XPC: variants seen among roughly 807,000 people sequenced by gnomAD.
The protein encoded by XPC is XPC complex subunit, DNA damage recognition and repair factor.
XPC carries 76 observed loss-of-function variants against 95.8 expected under a neutral mutation model. The observed-to-expected ratio is 0.79, with a 90% CI of 0.66 to 0.96. The LOEUF is 0.96. Ranked by LOEUF, XPC falls within the 40% of genes least tolerant of loss-of-function variation. The pLI, the probability that XPC is intolerant of heterozygous loss-of-function variation, is 0.00. For synonymous variants in XPC, 442 were observed against 442.1 expected, an observed-to-expected ratio of 1.00 and a Z score of 0.00; for missense variants, 1,146 against 1,179.8, an observed-to-expected ratio of 0.97 and a Z score of 0.42.
rs1377654645 is a variant in XPC, at chr3:14,145,599, C to T, written c.*342G>A. On this transcript the variant is annotated 3_prime_UTR_variant, in exon 16 of 16. Coordinates refer to ENST00000285021, the MANE Select transcript of XPC (RefSeq NM_004628.5). Reference sequence around the variant, plus strand: ...CAGAAATCTCCCGGTGGCTTCCATACAAAAACTGATGTTTCTAAAGATGGA... The same window carrying T: ...CAGAAATCTCCCGGTGGCTTCCATATAAAAACTGATGTTTCTAAAGATGGA... 4 of 699,496 alleles carry T rather than the reference C, an allele frequency of 5.7e-6. No homozygotes were observed. The highest frequency in any genetic ancestry group is 4.5e-5 in the South Asian group (3 of 66,720). 43.3% of individuals were successfully genotyped at this position (699,496 alleles called of 1,614,324 possible). A position where few individuals can be genotyped will look rare whatever the true frequency, so the allele number is the denominator to read the frequency against.
chr3:14,145,702 C>A lies in XPC; in HGVS notation c.*239G>T. 1 of 701,902 alleles carries A rather than the reference C, an allele frequency of 1.4e-6. No individual in the cohort carries two copies. The allele number at this position is 701,902 out of a possible 1,614,324, so 43.5% of individuals were successfully genotyped here. On this transcript the variant is annotated 3_prime_UTR_variant, in exon 16 of 16. Transcript: ENST00000285021. Reference sequence around the variant, plus strand: ...TCAAAGGGTGAGTGGGCTTTGGTAGCAAAAAGCTTTGAAGGCTTCACCCTG... The same window carrying A: ...TCAAAGGGTGAGTGGGCTTTGGTAGAAAAAAGCTTTGAAGGCTTCACCCTG...
chr3:14,161,637 A>C lies in XPC; in HGVS notation c.901-1807T>G, dbSNP rs186539467. ...CAACAGGCTTTCATGATTAAAAAAAAAAAAAAAAAATTCAGAACACTAGGA... is the reference window on the plus strand; with the variant it reads ...CAACAGGCTTTCATGATTAAAAAAACAAAAAAAAAATTCAGAACACTAGGA... On this transcript the variant is annotated intron_variant, in intron 7 of 15. Transcript: ENST00000285021. Among the ~76,000 whole-genome samples the C allele has an allele frequency of 4.8e-3, 721 of 151,272 alleles. 6 individuals carry two copies. The highest frequency in any genetic ancestry group is 0.016 in the African/African-American group (657 of 41,120).
intron 15 of XPC, 70 bp downstream of exon 15, chr3:14,147,220 G>A: frequency 6.7e-7 from 1 of 1,494,356 alleles, no homozygotes; most frequent in Admixed American, 2.0e-5. Context: ...ATCTGGGCCA[G>A]GCCTTTCTGA....
chr3:14,152,740 G>C, intron 10 of XPC: 1 of 271,194 alleles, frequency 3.7e-6, no homozygotes, highest in Non-Finnish European at 7.0e-6. Flanking sequence ...ATCAGGATGG[G>C]GTAAAGGCCG....
At chr3:14,156,152 T>A (rs573872402) in intron 10 of XPC, among the ~76,000 whole-genome samples, 183 bp downstream of exon 10, 1 of 149,436 alleles carries the variant, frequency 6.7e-6, no homozygotes, top group Non-Finnish European at 1.5e-5. Context: ...TTTTAATCCC[T>A]GTTTTAATTT....
rs566775346 is a variant in XPC, at chr3:14,157,215, G to A, written c.1873-720C>T. Among the ~76,000 whole-genome samples, 6 of 152,178 alleles carry A rather than the reference G, an allele frequency of 3.9e-5. No homozygotes were observed. In the East Asian group the frequency reaches 1.2e-3, roughly 29 times the overall value. ...TACTAAGTAAAATGAACTTAGTAATGCACCCATTTTACTTAGCATTACTAA... is the reference window on the plus strand; with the variant it reads ...TACTAAGTAAAATGAACTTAGTAATACACCCATTTTACTTAGCATTACTAA... On this transcript the variant is annotated intron_variant, in intron 9 of 15. Transcript: ENST00000285021.
At position 14,161,715 on chromosome 3, in the gene XPC, G is replaced by A. The variant is rs1696174921; in HGVS notation, c.901-1885C>T. Among the ~76,000 whole-genome samples the A allele has an allele frequency of 1.3e-5, 2 of 149,716 alleles. 1 individual carries two copies. Among genetic ancestry groups the A allele is most frequent in the African/African-American group, 4.9e-5 (2 of 40,500 alleles). The stretch of plus-strand genomic sequence containing the variant: ...ACCCAGATCTAGTATGATACTTAAT[G>A]GTGAAAGATTGAGAGCTTTCCCTCT... On this transcript the variant is annotated intron_variant, in intron 7 of 15. Coordinates refer to ENST00000285021, the MANE Select transcript of XPC (RefSeq NM_004628.5).
In XPC at chr3:14,159,813, G is replaced by C. The variant is rs1223224141; in HGVS notation, c.918C>G (p.Leu306=). The part of the protein sequence containing the change: ...EELVHIFLLI[L]RALQLLTRLV... ...GCCGGGTCAAGAGCTGCAGAGCCCG[G>C]AGAATCAGTAAGAATATCTATGATG... is the stretch of plus-strand genomic sequence containing the variant. Residue 306 remains leucine, a synonymous_variant, in exon 8 of 16, where the codon CTC becomes CTG. Coordinates refer to ENST00000285021, the MANE Select transcript of XPC (RefSeq NM_004628.5). 6.4e-7 allele frequency: 1 copy of C among 1,556,880 alleles called. No homozygotes were observed. The highest frequency in any genetic ancestry group is 8.7e-7 in the Non-Finnish European group (1 of 1,149,964).
rs1302705273 is a variant in XPC at position 14,146,117 on chromosome 3, A to G, written c.2647T>C (p.Ser883Pro). 3.1e-6 allele frequency: 5 copies of G among 1,611,634 alleles called. No homozygotes were observed. Among genetic ancestry groups the G allele is most frequent in the Non-Finnish European group, 4.2e-6 (5 of 1,179,306 alleles). ...APHTDAGGGL[S>P]SDEEEGTSSQ... is the part of the protein sequence containing the mutation. ...CTGGTCCCCTCCTCTTCATCAGAAG[A>G]GAGTCCACCTCCTGCATCTGTGTGG... Residue 883 changes from serine to proline, a missense_variant, in exon 16 of 16, where the codon TCT (serine) becomes CCT (proline). Ser to Pro is a moderately conservative substitution (Grantham distance 74). Coordinates refer to ENST00000285021, the MANE Select transcript of XPC (RefSeq NM_004628.5).
intron 1 of XPC, among the ~76,000 whole-genome samples, chr3:14,176,068 GC>G (rs1378055043): frequency 6.6e-6 from 1 of 152,150 alleles, no homozygotes; most frequent in Non-Finnish European, 1.5e-5. Context: ...AAAACTCACA[GC>G]CACCCCGCAA....
rs909418195 is a variant in XPC at position 14,158,669 on chromosome 3, G to A, written c.1214C>T (p.Pro405Leu). 6.2e-7 allele frequency: 1 copy of A among 1,613,858 alleles called. No individual in the cohort carries two copies. Among genetic ancestry groups the A allele is most frequent in the Non-Finnish European group, 8.5e-7 (1 of 1,179,892 alleles). Residue 405 changes from proline to leucine, a missense_variant, in exon 9 of 16, where the codon CCA becomes CTA. Transcript: ENST00000285021. This position sits in a 1 kb window ranked among gnomAD's most constrained non-coding sequence, Gnocchi z 5.2. The stretch of plus-strand genomic sequence containing the variant: ...GGTTGCCTTCTCCTGCTTGTCTCCT[G>A]GGCCCTCATCTTCCTCGCTGGAGGA... Reference protein sequence around the residue: ...KPSSSEEDEGPGDKQEKATQR... With the variant: ...KPSSSEEDEGLGDKQEKATQR...
chr3:14,158,943 A>G lies in XPC; in HGVS notation c.991-51T>C, dbSNP rs1696058342. 1.9e-6 allele frequency: 3 copies of G among 1,608,286 alleles called. No homozygotes were observed. The highest frequency in any genetic ancestry group is 2.5e-6 in the Non-Finnish European group (3 of 1,178,208). ...TTTTTTTCTCCCCCCTCTTTTGCTA[A>G]TGATATGATAGAAATCCTGTAATCT... On this transcript the variant is annotated intron_variant, in intron 8 of 15. Coordinates refer to ENST00000285021, the MANE Select transcript of XPC (RefSeq NM_004628.5). This position sits in a 1 kb window ranked among gnomAD's most constrained non-coding sequence, Gnocchi z 5.2.
chr3:14,173,168 C>A (rs1559384740), intron 1 of XPC, 106 bp from the exon 2 acceptor site: 10 of 1,107,774 alleles, frequency 9.0e-6, no homozygotes, highest in Non-Finnish European at 1.2e-5. Context: ...CTCCAAACCC[C>A]ATCTCCATCA....
rs56074737 is a variant in XPC, at chr3:14,145,863, T to C, written c.*78A>G. On this transcript the variant is annotated 3_prime_UTR_variant, in exon 16 of 16. Transcript: ENST00000285021. ...CAGAGAAGCCCCCACCACCAGGGGCTGGGCATGCCCAGGGCAGGTGTGGGG... is the reference window on the plus strand; with the variant it reads ...CAGAGAAGCCCCCACCACCAGGGGCCGGGCATGCCCAGGGCAGGTGTGGGG... The C allele has an allele frequency of 1.0e-5, 16 of 1,530,902 alleles. No homozygotes were observed. In the East Asian group the frequency reaches 3.2e-4, roughly 30 times the overall value. The allele number at this position is 1,530,902 out of a possible 1,614,324, so 94.8% of individuals were successfully genotyped here. A position where few individuals can be genotyped will look rare whatever the true frequency, so the allele number is the denominator to read the frequency against.
At chr3:14,148,324 T>A in intron 13 of XPC, 1 of 641,710 alleles carries the variant, frequency 1.6e-6, no homozygotes, top group Non-Finnish European at 2.6e-6. Flanking sequence ...TGTGAGTCCC[T>A]AAACCTGGGA....
chr3:14,148,579 G>T lies in XPC; in HGVS notation c.2403C>A (p.Gly801=). 6.2e-7 allele frequency: 1 copy of T among 1,613,866 alleles called. No individual in the cohort carries two copies. The change falls in exon 13 of 16, where the codon GGC becomes GGA. Residue 801 remains glycine (G), a synonymous_variant. Transcript: ENST00000285021. ...VQAITGFDFH[G]GYSHPVTDGY... ...TCACGCACACGGGATGGGAGTAGCC[G>T]CCATGGAAATCAAAGCCAGTGATGG...
rs1696013802 is a variant in XPC at position 14,158,372 on chromosome 3, G to T, written c.1511C>A (p.Ser504Tyr). The T allele has an allele frequency of 6.2e-7, 1 of 1,613,866 alleles. No homozygotes were observed. Among genetic ancestry groups the T allele is most frequent in the African/African-American group, 1.3e-5 (1 of 74,992 alleles). Residue 504 changes from serine (S) to tyrosine (Y), a missense_variant, in exon 9 of 16, where the codon TCT becomes TAT. Coordinates refer to ENST00000285021, the MANE Select transcript of XPC (RefSeq NM_004628.5). The surrounding 1 kb of genome is among the most constrained non-coding windows in gnomAD (Gnocchi z 5.2). ...TTTCTTGCCTCTTTTACTGCTTGAA[G>T]AGCTTGAGGATGCCGCTGGCAAGCT... ...DPSLPAASSS[S>Y]SSSKRGKKMC...
rs1226765398 is a variant in XPC at position 14,173,076 on chromosome 3, C to T, written c.104-14G>A. 2 of 1,545,784 alleles carry T rather than the reference C, an allele frequency of 1.3e-6. No homozygotes were observed. The highest frequency in any genetic ancestry group is 2.3e-5 in the East Asian group (1 of 43,766). On this transcript the variant is annotated splice_polypyrimidine_tract_variant and intron_variant, in intron 1 of 15. Coordinates refer to ENST00000285021, the MANE Select transcript of XPC (RefSeq NM_004628.5). ...CTTCAAAGGCATCTAGGTGACAACA[C>T]AGAACATAAGGTGAGGGGTGGAAGG...
rs1696315450 is a variant in XPC at position 14,164,944 on chromosome 3, A to T, written c.780-11T>A. 1 of 1,605,524 alleles carries T rather than the reference A, an allele frequency of 6.2e-7. No homozygotes were observed. Among genetic ancestry groups the T allele is most frequent in the South Asian group, 1.1e-5 (1 of 89,334 alleles). On this transcript the variant is annotated splice_polypyrimidine_tract_variant and intron_variant, in intron 6 of 15. Transcript: ENST00000285021. ...AATGTTCCAATGAACCTGGGGAGAA[A>T]GCAGGCATTCCTTGTGTCAGAGGTC...
Sources: gnomAD v4.1 joint callset for allele counts (sites outside exome capture counted in the v4.1 genomes callset) on GRCh38, gnomAD v4.1.1 for gene constraint, Gnocchi (gnomAD v3.1) non-coding constraint, MANE v1.5 for transcripts, NCBI Gene and HGNC (gene_info 2026-07-23, HGNC 2026-07-21) for gene names.